The following ADAM22 variants were observed in gnomAD, a reference collection of about 807,000 sequenced individuals.
ADAM22 encodes the protein disintegrin and metalloproteinase domain-containing protein 22.
In ADAM22, 65 loss-of-function variants were observed where a neutral mutation model predicts 144.6. The ratio of observed to expected loss-of-function variants is 0.45; its 90% CI spans 0.37 to 0.55. ADAM22 has a LOEUF of 0.55. Among genes scored for constraint, ADAM22 ranks in the 20% least tolerant of loss-of-function variants. ADAM22 has a pLI of 0.00. For missense variants in ADAM22, 974 were observed against 1,184.9 expected, an observed-to-expected ratio of 0.82 and a Z score of 2.61; for synonymous variants, 391 against 412.6, an observed-to-expected ratio of 0.95 and a Z score of 0.63.
chr7:88,171,663 T>C, intron 26 of ADAM22, 102 bp downstream of exon 26: 1 of 1,073,922 alleles, frequency 9.3e-7, no homozygotes, highest in Non-Finnish European at 1.3e-6. Context: ...ACTTTGTTTT[T>C]ATGTATAATA....
Position 88,078,719 on chromosome 7 carries a change from A to C in ADAM22, c.390+3027A>C, listed in dbSNP as rs186456787. Among the ~76,000 whole-genome samples the C allele has an allele frequency of 3.1e-3, 465 of 152,352 alleles. 2 individuals carry two copies. The highest frequency in any genetic ancestry group is 0.011 in the African/African-American group (445 of 41,590). ...ACGAATGCACAAGCCTCAGTAACCG[A>C]TGTGATCAACTGGAAGAAAGGGTAT... On this transcript the variant is annotated intron_variant, in intron 4 of 31. Transcript: ENST00000413139.
intron 4 of ADAM22, among the ~76,000 whole-genome samples, chr7:88,104,373 G>A (rs1823800074): frequency 6.6e-6 from 1 of 152,042 alleles, no homozygotes; most frequent in Non-Finnish European, 1.5e-5. Flanking sequence ...TACACAAAAT[G>A]TGTCAAAAAT....
intron 3 of ADAM22, among the ~76,000 whole-genome samples, chr7:88,010,602 C>A (rs1209999067): frequency 6.6e-6 from 1 of 152,108 alleles, no homozygotes; most frequent in Non-Finnish European, 1.5e-5. Context: ...ACTTCTTTTC[C>A]AGCTCCTAGT....
At chr7:88,132,702 C>T in intron 11 of ADAM22, 165 bp from the exon 12 acceptor site, 2 of 508,734 alleles carry the variant, frequency 3.9e-6, no homozygotes, top group African/African-American at 2.0e-5. Context: ...AAACCTTTTT[C>T]TTTGGTTACA....
chr7:88,191,043 C>T (rs1284050581), intron 30 of ADAM22, among the ~76,000 whole-genome samples: 2 of 152,202 alleles, frequency 1.3e-5, no homozygotes, highest in Admixed American at 6.5e-5. Context: ...CTTTCCCCTG[C>T]TAAAACTTTC....
intron 6 of ADAM22, 124 bp from the exon 7 acceptor site, chr7:88,116,621 T>C: frequency 1.4e-6 from 1 of 710,474 alleles, no homozygotes; most frequent in Non-Finnish European, 2.4e-6. Flanking sequence ...GTTCATCACC[T>C]CTCTAAACCC....
intron 2 of ADAM22, among the ~76,000 whole-genome samples, chr7:87,971,836 G>A (rs1850518382): frequency 1.3e-5 from 2 of 152,224 alleles, no homozygotes; most frequent in Admixed American, 1.3e-4. Context: ...TAATAAGCCT[G>A]ATAATATAGC....
chr7:88,098,834 T>A (rs12704382), intron 4 of ADAM22, among the ~76,000 whole-genome samples: 12,628 of 152,258 alleles, frequency 0.083, 1,117 homozygotes, highest in African/African-American at 0.23. Context: ...TTCCTTTTAA[T>A]TTTTTAAGTC....
intron 2 of ADAM22, among the ~76,000 whole-genome samples, chr7:87,961,184 G>T (rs1847925586): frequency 6.6e-6 from 1 of 152,106 alleles, no homozygotes; most frequent in African/African-American, 2.4e-5. Context: ...AAGGATGTGA[G>T]GAGTGAGTCA....
At chr7:88,184,741 G>T (rs1847901245) in intron 29 of ADAM22, among the ~76,000 whole-genome samples, 1 of 152,108 alleles carries the variant, frequency 6.6e-6, no homozygotes, top group African/African-American at 2.4e-5. Flanking sequence ...ATTTTCATGG[G>T]CAGATCCCCA....
At position 88,131,425 on chromosome 7, in the gene ADAM22, C is replaced by T. The variant is rs1437130896; in HGVS notation, c.982C>T (p.His328Tyr). ...TATCAAAGAGAAAAGTGATGCAGTT[C>T]ACCTTTTTTCGTACGTAACTTCTGT... ...DFIKEKSDAV[H>Y]LFSGSQFESS... The change falls in exon 11 of 32, where the codon CAC (histidine) becomes TAC (tyrosine). Residue 328 changes from histidine to tyrosine, a missense_variant. Transcript: ENST00000413139. The T allele has an allele frequency of 6.2e-7, 1 of 1,613,516 alleles. No individual in the cohort carries two copies. The highest frequency in any genetic ancestry group is 1.1e-5 in the South Asian group (1 of 91,062).
intron 2 of ADAM22, among the ~76,000 whole-genome samples, chr7:87,972,888 A>G (rs1158641801): frequency 1.3e-5 from 2 of 152,226 alleles, no homozygotes; most frequent in South Asian, 2.1e-4. Context: ...CTGGCTAGCC[A>G]TATGTAGAAA....
chr7:88,044,397 C>A (rs532701120), intron 3 of ADAM22, among the ~76,000 whole-genome samples: 3 of 152,210 alleles, frequency 2.0e-5, no homozygotes, highest in African/African-American at 7.2e-5. Context: ...GTGGAATTTT[C>A]AACTAAAAGC....
At chr7:87,971,297 C>A (rs1850390825) in intron 2 of ADAM22, among the ~76,000 whole-genome samples, 1 of 151,840 alleles carries the variant, frequency 6.6e-6, no homozygotes, top group Admixed American at 6.6e-5. Flanking sequence ...TCATTAGAAC[C>A]CAGTAAAACC....
intron 2 of ADAM22, among the ~76,000 whole-genome samples, chr7:87,961,281 T>C (rs1429338358): frequency 6.6e-6 from 1 of 152,118 alleles, no homozygotes; most frequent in African/African-American, 2.4e-5. Flanking sequence ...CAAATATGAA[T>C]AACAAGATGA....
chr7:88,175,553 G>A (rs1845434104), intron 26 of ADAM22, among the ~76,000 whole-genome samples: 2 of 152,090 alleles, frequency 1.3e-5, no homozygotes, highest in Non-Finnish European at 2.9e-5. Flanking sequence ...TTACATAAGT[G>A]TTTATTATAT....
chr7:87,961,710 C>T (rs1487734368), intron 2 of ADAM22, among the ~76,000 whole-genome samples: 1 of 152,166 alleles, frequency 6.6e-6, no homozygotes, highest in Non-Finnish European at 1.5e-5. Context: ...GAGCAGCACA[C>T]TTCCAAGCTG....
At chr7:88,148,898 C>T (rs1837419897) in intron 17 of ADAM22, 79 bp from the exon 18 acceptor site, 1 of 1,108,718 alleles carries the variant, frequency 9.0e-7, no homozygotes, top group Non-Finnish European at 1.3e-6. Context: ...AAACAATTTT[C>T]ATTTTGTTTT....
At chr7:88,019,570 G>A (rs1797272906) in intron 3 of ADAM22, among the ~76,000 whole-genome samples, 2 of 151,514 alleles carry the variant, frequency 1.3e-5, no homozygotes, top group Admixed American at 6.6e-5. Context: ...TGTTCTGGCC[G>A]GGTGTGGTGG....
Sources: allele counts gnomAD v4.1 joint callset (sites outside exome capture counted in the v4.1 genomes callset), GRCh38; gene constraint gnomAD v4.1.1; transcripts MANE v1.5; gene names NCBI Gene and HGNC (gene_info 2026-07-23, HGNC 2026-07-21).